The following AWAT1 variants were observed in gnomAD, a reference collection of about 807,000 sequenced individuals.
The protein encoded by AWAT1 is acyl-CoA wax alcohol acyltransferase 1.
AWAT1 carries 26 observed loss-of-function variants against 21.6 expected under a neutral mutation model. The observed-to-expected ratio is 1.20, with a 90% CI of 0.88 to 1.67. The LOEUF (loss-of-function observed/expected upper bound fraction) is 1.67. AWAT1 is among the 40% of genes most tolerant of loss of function. The probability of loss-of-function intolerance (pLI) is 0.00; values close to 1 mark genes in which losing one functional copy is unlikely to be tolerated. For missense variants in AWAT1, 264 were observed against 249.4 expected, an observed-to-expected ratio of 1.06 and a Z score of -0.39; for synonymous variants, 102 against 99.3, an observed-to-expected ratio of 1.03 and a Z score of -0.16.
At chrX:70,240,038 T>C (rs1055031760) in intron 6 of AWAT1, 98 bp from the exon 7 acceptor site, 5 of 1,138,972 alleles carry the variant, frequency 4.4e-6, no homozygotes, top group Non-Finnish European at 4.7e-6. Context: ...TGGGAGCTGA[T>C]CTGGGATGCG....
chrX:70,238,479 C>G, intron 5 of AWAT1, 96 bp downstream of exon 5: 1 of 928,882 alleles, frequency 1.1e-6, no homozygotes, highest in South Asian at 3.3e-5. Context: ...ATTTTGCCCT[C>G]AAGGAACATA....
chrX:70,235,759 C>T lies in AWAT1; in HGVS notation c.120C>T (p.Ser40=), dbSNP rs1188185100. The change falls in exon 2 of 7, where the codon TCC becomes TCT. Residue 40 remains serine (S), a synonymous_variant. Transcript: ENST00000374521. The part of the protein sequence containing the change: ...QPLFVYLLFT[S]LWPLPVLYFA... The stretch of plus-strand genomic sequence containing the variant: ...TGTTCGTCTACCTGCTGTTTACATC[C>T]TTGTGGCCGCTACCAGTGCTTTACT... 1.2e-5 allele frequency: 15 copies of T among 1,208,895 alleles called. No individual in the cohort carries two copies. Among genetic ancestry groups the T allele is most frequent in the Non-Finnish European group, 1.6e-5 (14 of 894,736 alleles).
In AWAT1 at chrX:70,238,350, G is replaced by A. The variant is rs756595258; in HGVS notation, c.599G>A (p.Arg200His). The A allele has an allele frequency of 1.5e-5, 18 of 1,203,739 alleles. No individual in the cohort carries two copies. Among genetic ancestry groups the A allele is most frequent in the Non-Finnish European group, 2.0e-5 (18 of 890,799 alleles). Residue 200 changes from arginine to histidine, a missense_variant, in exon 5 of 7, where the codon CGC becomes CAC. By Grantham distance (29) the Arg-to-His change is conservative. Transcript: ENST00000374521. The part of the protein sequence containing the change: ...PNTTTLILQK[R>H]KGFVRTALQH... ...ACCACCACCCTCATCCTCCAGAAGC[G>A]CAAGGGGTTCGTGCGCACAGCCCTC...
intron 5 of AWAT1, 94 bp downstream of exon 5, chrX:70,238,477 C>G: frequency 1.1e-6 from 1 of 942,166 alleles, no homozygotes; most frequent in Non-Finnish European, 1.4e-6. Context: ...GAATTTTGCC[C>G]TCAAGGAACA....
intron 4 of AWAT1, 93 bp downstream of exon 4, chrX:70,237,341 C>T (rs1447713581): frequency 3.7e-6 from 3 of 806,279 alleles, no homozygotes; most frequent in South Asian, 4.9e-5. Context: ...CCCCACCCGC[C>T]CCCATGTCAT....
chrX:70,238,955 C>T (rs2085526701), intron 5 of AWAT1, among the ~76,000 whole-genome samples: 1 of 112,886 alleles, frequency 8.9e-6, no homozygotes, highest in Admixed American at 9.3e-5. Flanking sequence ...AGAGCTGGAG[C>T]TGTAGAGTGC....
Position 70,240,344 on chromosome X carries a change from T to A in AWAT1, c.*54T>A. 1 of 1,142,635 alleles carries A rather than the reference T, an allele frequency of 8.8e-7. No homozygotes were observed. Among genetic ancestry groups the A allele is most frequent in the South Asian group, 2.0e-5 (1 of 51,124 alleles). 94.2% of individuals were successfully genotyped at this position (1,142,635 alleles called of 1,213,427 possible). On this transcript the variant is annotated 3_prime_UTR_variant, in exon 7 of 7. Transcript: ENST00000374521. ...GGAGTGCCTGCCTTGAAGAAGAGACTCATCTGCCACTAACCAAAGACAGGC... is the reference window on the plus strand; with the variant it reads ...GGAGTGCCTGCCTTGAAGAAGAGACACATCTGCCACTAACCAAAGACAGGC...
intron 4 of AWAT1, among the ~76,000 whole-genome samples, chrX:70,237,764 G>A (rs1409435745): frequency 3.0e-5 from 3 of 99,721 alleles, no homozygotes; most frequent in Non-Finnish European, 6.0e-5. Flanking sequence ...CCCAGGAGGT[G>A]CAGGTTGCAG....
chrX:70,236,998 T>C (rs1327552111), intron 3 of AWAT1, 46 bp from the exon 4 acceptor site: 9 of 1,101,827 alleles, frequency 8.2e-6, no homozygotes, highest in Non-Finnish European at 9.9e-6. Flanking sequence ...GTTTCTGCCA[T>C]GTAATCTCAT....
Position 70,234,687 on chromosome X carries a change from C to T in AWAT1, c.-9C>T. The T allele has an allele frequency of 8.3e-7, 1 of 1,208,782 alleles. No homozygotes were observed. ...TGAGATCTTTGCCTCCCTCAGGCTC[C>T]CGAGAATCATGGCTCATTCCAAGCA... On this transcript the variant is annotated 5_prime_UTR_variant, in exon 1 of 7. Transcript: ENST00000374521.
In AWAT1 at chrX:70,238,212, G is replaced by A; in HGVS notation, c.461G>A (p.Gly154Asp). The A allele has an allele frequency of 8.3e-7, 1 of 1,204,932 alleles. No homozygotes were observed. Among genetic ancestry groups the A allele is most frequent in the African/African-American group, 1.7e-5 (1 of 57,561 alleles). Residue 154 changes from glycine to aspartate, a missense_variant and splice_region_variant, in exon 5 of 7, where the codon GGT (glycine) becomes GAT (aspartate). By Grantham distance (94) the Gly-to-Asp change is moderately conservative. Transcript: ENST00000374521. ...PFVREYLMAK[G>D]VCSVSQPAIN... ...CATTTTGCTCCTTGATTCTCTTTAG[G>A]TGTGTGCTCTGTGAGCCAGCCAGCC...
intron 4 of AWAT1, 183 bp downstream of exon 4, chrX:70,237,431 G>A (rs895050724): frequency 5.1e-5 from 23 of 446,794 alleles, no homozygotes; most frequent in African/African-American, 7.5e-5. Context: ...CACTTGTGTG[G>A]TCTTGAGCAA....
Position 70,239,937 on chromosome X carries a change from G to A in AWAT1, c.832+3G>A. On this transcript the variant is annotated splice_donor_region_variant and intron_variant, in intron 6 of 6. Transcript: ENST00000374521. ...CTCCAGGCCTATTGTCACTGTGGGT[G>A]AGTGCCACTCTCAGCCCCAGTGCCA... 8.3e-7 allele frequency: 1 copy of A among 1,206,264 alleles called. No individual in the cohort carries two copies. Among genetic ancestry groups the A allele is most frequent in the Non-Finnish European group, 1.1e-6 (1 of 891,633 alleles).
rs2085511931 is a variant in AWAT1, at chrX:70,235,795, G to A, written c.156G>A (p.Leu52=). 2 of 1,209,128 alleles carry A rather than the reference G, an allele frequency of 1.7e-6. No homozygotes were observed. The highest frequency in any genetic ancestry group is 3.5e-5 in the African/African-American group (2 of 57,668). ...TACCAGTGCTTTACTTTGCCTGGTT[G>A]TTCCTGGACTGGAAGACCCCAGAGC... ...WPLPVLYFAW[L]FLDWKTPERG... The change falls in exon 2 of 7, where the codon TTG becomes TTA. Residue 52 remains leucine (L), a synonymous_variant. Coordinates refer to ENST00000374521, the MANE Select transcript of AWAT1 (RefSeq NM_001013579.3).
chrX:70,239,819 G>C lies in AWAT1; in HGVS notation c.717G>C (p.Lys239Asn), dbSNP rs2085530311. The C allele has an allele frequency of 1.7e-6, 2 of 1,209,615 alleles. No homozygotes were observed. Among genetic ancestry groups the C allele is most frequent in the Non-Finnish European group, 2.2e-6 (2 of 893,607 alleles). ...VLFHKDSRMY[K>N]FQSCFRRIFG... ...TCCATAAGGATAGCAGGATGTACAA[G>C]TTCCAGAGCTGCTTCCGCCGTATCT... The change falls in exon 6 of 7, where the codon AAG becomes AAC. Residue 239 changes from lysine to asparagine, a missense_variant. By Grantham distance (94) the Lys-to-Asn change is moderately conservative (BLOSUM62 0). Coordinates refer to ENST00000374521, the MANE Select transcript of AWAT1 (RefSeq NM_001013579.3).
intron 4 of AWAT1, among the ~76,000 whole-genome samples, chrX:70,237,647 C>T (rs774668406): frequency 9.2e-6 from 1 of 108,311 alleles, no homozygotes; most frequent in Admixed American, 1.0e-4. Flanking sequence ...GCCTAGCCAA[C>T]ATGGGAAAAC....
chrX:70,235,763 TG>T lies in AWAT1; in HGVS notation c.126del (p.Trp42CysfsTer28), dbSNP rs759321602. The T allele has an allele frequency of 1.7e-6, 2 of 1,211,248 alleles. No individual in the cohort carries two copies. Among genetic ancestry groups the T allele is most frequent in the South Asian group, 1.8e-5 (1 of 56,953 alleles). On this transcript the variant is annotated frameshift_variant, in exon 2 of 7. Transcript: ENST00000374521. LOFTEE classifies it high-confidence loss of function. The stretch of plus-strand genomic sequence containing the variant: ...CGTCTACCTGCTGTTTACATCCTTG[TG>T]GCCGCTACCAGTGCTTTACTTTGCC... ...LFVYLLFTSL[W>X]PLPVLYFAWL...
chrX:70,240,387 A>G lies in AWAT1; in HGVS notation c.*97A>G. 1.0e-6 allele frequency: 1 copy of G among 960,303 alleles called. No individual in the cohort carries two copies. The highest frequency in any genetic ancestry group is 2.4e-5 in the South Asian group (1 of 41,639). 79.1% of individuals were successfully genotyped at this position (960,303 alleles called of 1,213,427 possible). A position where few individuals can be genotyped will look rare whatever the true frequency, so the allele number is the denominator to read the frequency against. Reference sequence around the variant, plus strand: ...AGACAGGCAGGAGATGAGGGAGGTTATATGTGGTAGGGGAGGGCATGAGGA... The same window carrying G: ...AGACAGGCAGGAGATGAGGGAGGTTGTATGTGGTAGGGGAGGGCATGAGGA... On this transcript the variant is annotated 3_prime_UTR_variant, in exon 7 of 7. Coordinates refer to ENST00000374521, the MANE Select transcript of AWAT1 (RefSeq NM_001013579.3).
Position 70,239,792 on chromosome X carries a change from G to A in AWAT1, c.690G>A (p.Leu230=), listed in dbSNP as rs1171315982. 8.3e-7 allele frequency: 1 copy of A among 1,210,643 alleles called. No individual in the cohort carries two copies. Among genetic ancestry groups the A allele is most frequent in the African/African-American group, 1.7e-5 (1 of 57,721 alleles). The part of the protein sequence containing the change: ...FGETEVYDQV[L]FHKDSRMYKF... ...AAACTGAGGTGTATGATCAGGTGCT[G>A]TTCCATAAGGATAGCAGGATGTACA... The change falls in exon 6 of 7, where the codon CTG becomes CTA. Residue 230 remains leucine, a synonymous_variant. Coordinates refer to ENST00000374521, the MANE Select transcript of AWAT1 (RefSeq NM_001013579.3).
Sources: gnomAD v4.1 joint callset for allele counts (sites outside exome capture counted in the v4.1 genomes callset) on GRCh38, gnomAD v4.1.1 for gene constraint, MANE v1.5 for transcripts, NCBI Gene and HGNC (gene_info 2026-07-23, HGNC 2026-07-21) for gene names.